YPEL2: variants seen among roughly 807,000 people sequenced by gnomAD.
YPEL2 encodes yippee like 2, also known as protein yippee-like 2.
YPEL2 carries 2 observed loss-of-function variants against 19.1 expected under a neutral mutation model. The observed-to-expected ratio is 0.10, with a 90% CI of 0.04 to 0.33. YPEL2 has a LOEUF of 0.33. YPEL2 is among the 10% of genes least tolerant of loss of function. The probability of loss-of-function intolerance (pLI) is 1.00; values close to 1 mark genes in which losing one functional copy is unlikely to be tolerated. For synonymous variants in YPEL2, 52 were observed against 50.0 expected (o/e 1.04, Z -0.17); for missense variants, 66 against 140.7 (o/e 0.47, Z 2.68).
At chr17:59,356,035 A>G (rs1372547772) in intron 2 of YPEL2, 3 of 152,132 alleles carry the variant, frequency 2.0e-5, no homozygotes, top group African/African-American at 4.8e-5. Flanking sequence ...AGGTCTGCCT[A>G]ATGGAAAGAT....
At chr17:59,332,943 G>A (rs1398411511) in intron 1 of YPEL2, among the ~76,000 whole-genome samples, 1 of 152,194 alleles carries the variant, frequency 6.6e-6, no homozygotes, top group Non-Finnish European at 1.5e-5. Flanking sequence ...TTTCCTCCCT[G>A]CCCTTCCTTC....
intron 1 of YPEL2, among the ~76,000 whole-genome samples, chr17:59,332,871 T>C (rs2047678940): frequency 6.6e-6 from 1 of 152,192 alleles, no homozygotes; most frequent in Admixed American, 6.5e-5. Flanking sequence ...CCTTGCAACT[T>C]GGGAGGCTCT....
rs1555572661 is a variant in YPEL2 at position 59,397,247 on chromosome 17, T to G, written c.*57T>G. The stretch of plus-strand genomic sequence containing the variant: ...GTGAACGCCATTCAACCGAACATTC[T>G]TCCCAAGCGTGAGAGAGTGACTGAC... On this transcript the variant is annotated 3_prime_UTR_variant, in exon 5 of 5. Transcript: ENST00000312655. The G allele has an allele frequency of 2.9e-6, 4 of 1,384,386 alleles. No individual in the cohort carries two copies. The South Asian group carries it at 5.6e-5, about 19-fold the overall frequency. The allele number at this position is 1,384,386 out of a possible 1,614,324, so 85.8% of individuals were successfully genotyped here. A position where few individuals can be genotyped will look rare whatever the true frequency, so the allele number is the denominator to read the frequency against.
intron 2 of YPEL2, among the ~76,000 whole-genome samples, chr17:59,384,533 C>T (rs1022297817): frequency 6.6e-6 from 1 of 152,198 alleles, no homozygotes; most frequent in Non-Finnish European, 1.5e-5. Context: ...ACCTTTGTCA[C>T]CTCTAACCCC....
intron 2 of YPEL2, among the ~76,000 whole-genome samples, chr17:59,375,800 G>A (rs887264550): frequency 9.2e-5 from 14 of 152,320 alleles, no homozygotes; most frequent in Admixed American, 2.6e-4. Flanking sequence ...TGGAATCAGA[G>A]CAGAGAAATT....
chr17:59,350,973 G>GC (rs2047784797), intron 1 of YPEL2, among the ~76,000 whole-genome samples: 1 of 152,092 alleles, frequency 6.6e-6, no homozygotes, highest in Admixed American at 6.5e-5. Flanking sequence ...CCTGGGGGAA[G>GC]CCTACTGCTT....
At chr17:59,361,570 C>T (rs141957360) in intron 2 of YPEL2, among the ~76,000 whole-genome samples, 1 of 152,266 alleles carries the variant, frequency 6.6e-6, no homozygotes, top group East Asian at 1.9e-4. Flanking sequence ...GGTAGATTCT[C>T]AGTGAATATT....
chr17:59,380,272 CTTTTTTTTTTTTT>C (rs548409762), intron 2 of YPEL2, among the ~76,000 whole-genome samples: 2 of 106,426 alleles, frequency 1.9e-5, no homozygotes, highest in Admixed American at 2.1e-4. Flanking sequence ...TATCTAACTT[CTTTTTTTTTTTTT>C]TTTTTTTTTG....
intron 2 of YPEL2, among the ~76,000 whole-genome samples, chr17:59,380,423 C>G (rs2147952722): frequency 6.6e-6 from 1 of 151,900 alleles, no homozygotes; most frequent in East Asian, 1.9e-4. Context: ...GCATGCATCA[C>G]CACGCCCAGC....
rs994663890 is a variant in YPEL2, at chr17:59,380,278, T to C, written c.118-8049T>C. 3.7e-3 allele frequency among the ~76,000 whole-genome samples: 543 copies of C among 145,708 alleles called. 3 individuals are homozygous for C. Among genetic ancestry groups the C allele is most frequent in the Non-Finnish European group, 5.9e-3 (390 of 66,060 alleles). On this transcript the variant is annotated intron_variant, in intron 2 of 4. Transcript: ENST00000312655. ...GATAAACAGTATCTAACTTCTTTTT[T>C]TTTTTTTTTTTTTTTTGAGATGGAG... is the stretch of plus-strand genomic sequence containing the variant.
intron 1 of YPEL2, among the ~76,000 whole-genome samples, chr17:59,340,031 C>T (rs73323183): frequency 0.014 from 2,163 of 151,960 alleles, 50 homozygotes; most frequent in African/African-American, 0.05. Flanking sequence ...GACATGGTCT[C>T]ATGTCTGATT....
intron 2 of YPEL2, among the ~76,000 whole-genome samples, chr17:59,369,867 A>G (rs1407148774): frequency 6.6e-6 from 1 of 152,156 alleles, no homozygotes; most frequent in Non-Finnish European, 1.5e-5. Flanking sequence ...AATAGCCATC[A>G]TTTTACTGGG....
At chr17:59,380,950 GA>G in intron 2 of YPEL2, among the ~76,000 whole-genome samples, 1 of 152,232 alleles carries the variant, frequency 6.6e-6, no homozygotes, top group Non-Finnish European at 1.5e-5. Context: ...AGTCACCAAA[GA>G]AAGAGGTTTG....
At position 59,398,815 on chromosome 17, in the gene YPEL2, A is replaced by T. The variant is rs2048054772; in HGVS notation, c.*1625A>T. 6.6e-6 allele frequency: 1 copy of T among 152,204 alleles called. No homozygotes were observed. The highest frequency in any genetic ancestry group is 1.5e-5 in the Non-Finnish European group (1 of 68,036). 9.4% of individuals were successfully genotyped at this position (152,204 alleles called of 1,614,324 possible). On this transcript the variant is annotated 3_prime_UTR_variant, in exon 5 of 5. Transcript: ENST00000312655. Reference sequence around the variant, plus strand: ...AAAAGTCTCACAAAAGAATGAGTTCATGGGGAGATTCTGTAAAGTGATGAA... The same window carrying T: ...AAAAGTCTCACAAAAGAATGAGTTCTTGGGGAGATTCTGTAAAGTGATGAA...
intron 1 of YPEL2, among the ~76,000 whole-genome samples, chr17:59,350,351 C>T (rs1051160876): frequency 5.3e-5 from 8 of 152,262 alleles, no homozygotes; most frequent in South Asian, 2.1e-4. Flanking sequence ...TGTGAGCCAC[C>T]GCATCTGGCT....
At chr17:59,393,398 GGGTTAGGATTATGGGTGTGA>G (rs1328112316) in intron 4 of YPEL2, among the ~76,000 whole-genome samples, 1 of 150,956 alleles carries the variant, frequency 6.6e-6, no homozygotes, top group Non-Finnish European at 1.5e-5. Flanking sequence ...GCCTCTCAAA[GGGTTAGGATTATGGGTGTGA>G]GCCACCACGC....
At chr17:59,332,768 G>GC (rs1004218499) in intron 1 of YPEL2, among the ~76,000 whole-genome samples, 21 of 152,262 alleles carry the variant, frequency 1.4e-4, no homozygotes, top group South Asian at 4.2e-4. Flanking sequence ...ACCCTCGCCC[G>GC]CCCCCCAGTC....
In YPEL2 at chr17:59,353,123, GCC is replaced by G; in HGVS notation, c.-195-91_-195-90del. On this transcript the variant is annotated intron_variant, in intron 1 of 4. Coordinates refer to ENST00000312655, the MANE Select transcript of YPEL2 (RefSeq NM_001005404.4). This position sits in a 1 kb window ranked among gnomAD's most constrained non-coding sequence, Gnocchi z 4.8. Reference sequence around the variant, plus strand: ...TGGGTCATTTGATCCTGTCAGTGTTGCCTTCTTCATGGGTGGCAGTTGGATTC... The same window carrying G: ...TGGGTCATTTGATCCTGTCAGTGTTGTTCTTCATGGGTGGCAGTTGGATTC... 1 of 274,934 alleles carries G rather than the reference GCC, an allele frequency of 3.6e-6. No homozygotes were observed. The highest frequency in any genetic ancestry group is 4.8e-5 in the Admixed American group (1 of 20,634). 17.0% of individuals were successfully genotyped at this position (274,934 alleles called of 1,614,324 possible).
intron 2 of YPEL2, among the ~76,000 whole-genome samples, chr17:59,380,765 G>A (rs559954923): frequency 2.8e-4 from 43 of 152,354 alleles, no homozygotes; most frequent in African/African-American, 1.0e-3. Context: ...CTGTGTATGA[G>A]TGGTAAATTG....
Sources: allele counts gnomAD v4.1 joint callset (sites outside exome capture counted in the v4.1 genomes callset), GRCh38; gene constraint gnomAD v4.1.1; non-coding constraint Gnocchi (gnomAD v3.1); transcripts MANE v1.5; gene names NCBI Gene and HGNC (gene_info 2026-07-23, HGNC 2026-07-21).